UNC13C: variants seen among roughly 807,000 people sequenced by gnomAD.
The protein encoded by UNC13C is protein unc-13 homolog C.
UNC13C carries 174 observed loss-of-function variants against 245.4 expected under a neutral mutation model. The ratio of observed to expected loss-of-function variants is 0.71; its 90% CI spans 0.63 to 0.80. UNC13C has a LOEUF of 0.80. UNC13C is among the 30% of genes least tolerant of loss of function. The pLI is 0.00. For synonymous variants in UNC13C, 992 were observed against 895.1 expected (o/e 1.11, Z -1.93); for missense variants, 2,829 against 2,602.9 (o/e 1.09, Z -1.89).
the UNC13C span, among the ~76,000 whole-genome samples, chr15:53,925,582 C>A: frequency 6.6e-6 from 1 of 152,180 alleles, no homozygotes; most frequent in Middle Eastern, 3.2e-3. Flanking sequence ...TAAATTCCGG[C>A]TTTTCTTAAA....
intron 30 of UNC13C, among the ~76,000 whole-genome samples, chr15:54,586,309 T>C (rs1204459495): frequency 6.6e-6 from 1 of 152,236 alleles, no homozygotes; most frequent in Non-Finnish European, 1.5e-5. Flanking sequence ...TTGGGTAACT[T>C]AAACAAGAGA....
rs916993663 is a variant in UNC13C, at chr15:54,013,428, C to T, written c.525C>T (p.Gly175=). Residue 175 remains glycine, a synonymous_variant, in exon 2 of 33, where the codon GGC becomes GGT. Coordinates refer to ENST00000260323, the MANE Select transcript of UNC13C (RefSeq NM_001080534.3). ...GSSDGERTLH[G]LKLGALRKLR... Reference sequence around the variant, plus strand: ...CTGACGGGGAGCGTACTCTACATGGCTTAAAACTGGGAGCTTTACGAAAAC... The same window carrying T: ...CTGACGGGGAGCGTACTCTACATGGTTTAAAACTGGGAGCTTTACGAAAAC... 2 of 1,613,818 alleles carry T rather than the reference C, an allele frequency of 1.2e-6. No homozygotes were observed. The highest frequency in any genetic ancestry group is 2.7e-5 in the African/African-American group (2 of 75,022).
chr15:54,244,054 T>C (rs1330970612), intron 7 of UNC13C, among the ~76,000 whole-genome samples: 2 of 152,208 alleles, frequency 1.3e-5, no homozygotes, highest in Non-Finnish European at 2.9e-5. Flanking sequence ...TCTTTGCCCA[T>C]CACTGTGTCC....
intron 4 of UNC13C, among the ~76,000 whole-genome samples, chr15:54,185,059 A>C (rs1276560306): frequency 6.6e-6 from 1 of 152,140 alleles, no homozygotes; most frequent in Non-Finnish European, 1.5e-5. Context: ...GGTGGCATAA[A>C]TGTCTTCTTT....
chr15:54,479,064 C>T (rs1438107320), intron 19 of UNC13C, among the ~76,000 whole-genome samples: 2 of 151,910 alleles, frequency 1.3e-5, no homozygotes, highest in African/African-American at 4.8e-5. Flanking sequence ...TATCTGTTCA[C>T]CAAGGTGTGT....
chr15:54,191,953 T>C (rs961698005), intron 4 of UNC13C, among the ~76,000 whole-genome samples: 7 of 152,300 alleles, frequency 4.6e-5, no homozygotes, highest in African/African-American at 1.7e-4. Flanking sequence ...ATATTAGCCC[T>C]TTGTCAGATG....
In UNC13C at chr15:54,395,164, A is replaced by C. The variant is rs568132250; in HGVS notation, c.4847+1983A>C. 2.6e-5 allele frequency among the ~76,000 whole-genome samples: 4 copies of C among 151,924 alleles called. No individual in the cohort carries two copies. In the South Asian group the frequency reaches 8.3e-4, roughly 32 times the overall value. ...TGTAAAACTTTTTTTCACATACTGA[A>C]GATCGTTCAATTTAGTTTCTCATTT... On this transcript the variant is annotated intron_variant, in intron 18 of 32. Transcript: ENST00000260323.
the UNC13C span, among the ~76,000 whole-genome samples, chr15:53,886,300 G>C: frequency 1.3e-5 from 2 of 152,086 alleles, no homozygotes; most frequent in African/African-American, 4.8e-5. Context: ...TGGAACATTT[G>C]TAGTTCCAGA....
At chr15:53,987,578 C>G (rs1395106853) in intron 1 of UNC13C, among the ~76,000 whole-genome samples, 1 of 151,906 alleles carries the variant, frequency 6.6e-6, no homozygotes, top group African/African-American at 2.4e-5. Flanking sequence ...CACTAGCAGG[C>G]TTATCTTAGT....
At chr15:54,323,496 A>C (rs1321673848) in intron 14 of UNC13C, among the ~76,000 whole-genome samples, 1 of 152,010 alleles carries the variant, frequency 6.6e-6, no homozygotes, top group East Asian at 1.9e-4. Context: ...TGTTTCTCAA[A>C]TTTAAAATAA....
Position 54,374,968 on chromosome 15 carries a change from C to G in UNC13C, c.4714-18080C>G, listed in dbSNP as rs142860120. Among the ~76,000 whole-genome samples, 464 of 152,284 alleles carry G rather than the reference C, an allele frequency of 3.0e-3. 2 individuals are homozygous for G. Among genetic ancestry groups the G allele is most frequent in the African/African-American group, 0.011 (442 of 41,562 alleles). On this transcript the variant is annotated intron_variant, in intron 17 of 32. Coordinates refer to ENST00000260323, the MANE Select transcript of UNC13C (RefSeq NM_001080534.3). ...TAAGAATTTAATTCTATAAATAAAC[C>G]ACAGTTTACTAATATATTCTATAGA...
chr15:53,932,092 TA>T, the UNC13C span, among the ~76,000 whole-genome samples: 1 of 152,016 alleles, frequency 6.6e-6, no homozygotes, highest in African/African-American at 2.4e-5. Flanking sequence ...GGGCAGATCA[TA>T]AAGTCAAGAG....
chr15:54,181,655 A>G (rs998148742), intron 4 of UNC13C, among the ~76,000 whole-genome samples: 1 of 151,954 alleles, frequency 6.6e-6, no homozygotes, highest in African/African-American at 2.4e-5. Flanking sequence ...CACTTTAATC[A>G]TATTGATTCT....
At chr15:54,082,318 G>C (rs945273843) in intron 2 of UNC13C, among the ~76,000 whole-genome samples, 1 of 152,060 alleles carries the variant, frequency 6.6e-6, no homozygotes, top group Non-Finnish European at 1.5e-5. Flanking sequence ...TTGAGCTCTA[G>C]CAATATTAGG....
the UNC13C span, among the ~76,000 whole-genome samples, chr15:53,888,255 G>A: frequency 3.9e-4 from 60 of 152,272 alleles, no homozygotes; most frequent in African/African-American, 1.3e-3. Flanking sequence ...TCCAGCTGGC[G>A]TGAGATGGTA....
chr15:54,433,013 T>C (rs1040724427), intron 19 of UNC13C, among the ~76,000 whole-genome samples: 3 of 151,984 alleles, frequency 2.0e-5, no homozygotes, highest in Non-Finnish European at 4.4e-5. Flanking sequence ...GATAAATTCA[T>C]TAACACATAT....
Position 54,005,020 on chromosome 15 carries a change from C to G in UNC13C, c.-256-7628C>G, listed in dbSNP as rs965000839. On this transcript the variant is annotated intron_variant, in intron 1 of 32. Transcript: ENST00000260323. Reference sequence around the variant, plus strand: ...AGAAGCTTTTTAACTTGATGTGACTCCATTTCTCCATGTTTGCTCTGGTCA... The same window carrying G: ...AGAAGCTTTTTAACTTGATGTGACTGCATTTCTCCATGTTTGCTCTGGTCA... Among the ~76,000 whole-genome samples the G allele has an allele frequency of 1.2e-4, 19 of 152,164 alleles. 1 individual carries two copies. Among genetic ancestry groups the G allele is most frequent in the South Asian group, 1.2e-3 (6 of 4,828 alleles).
At chr15:54,273,951 A>C (rs577648881) in intron 10 of UNC13C, among the ~76,000 whole-genome samples, 134 of 152,296 alleles carry the variant, frequency 8.8e-4, no homozygotes, top group African/African-American at 2.8e-3. Context: ...TTTTTTGGTT[A>C]GTATCCGCCC....
chr15:54,385,282 T>C (rs1161703347), intron 17 of UNC13C, among the ~76,000 whole-genome samples: 1 of 152,092 alleles, frequency 6.6e-6, no homozygotes, highest in Non-Finnish European at 1.5e-5. Flanking sequence ...TGGAAAGATA[T>C]GAAATCAACC....
Sources: gnomAD v4.1 joint callset for allele counts (sites outside exome capture counted in the v4.1 genomes callset) on GRCh38, gnomAD v4.1.1 for gene constraint, MANE v1.5 for transcripts, NCBI Gene and HGNC (gene_info 2026-07-23, HGNC 2026-07-21) for gene names.